PSD4: variants seen among roughly 807,000 people sequenced by gnomAD.
The protein encoded by PSD4 is PH and SEC7 domain-containing protein 4.
In PSD4, 59 loss-of-function variants were observed where a neutral mutation model predicts 112.5. The observed-to-expected ratio is 0.52, with a 90% confidence interval of 0.43 to 0.65. The LOEUF is 0.65. Among genes scored for constraint, PSD4 ranks in the 30% least tolerant of loss-of-function variants. The probability of loss-of-function intolerance (pLI) is 0.00; values close to 1 mark genes in which losing one functional copy is unlikely to be tolerated. For synonymous variants in PSD4, 533 were observed against 540.0 expected (o/e 0.99, Z 0.18); for missense variants, 1,267 against 1,352.6 (o/e 0.94, Z 0.99).
rs371323565 is a variant in PSD4, at chr2:113,201,511, G to A, written c.*96G>A. 37 of 1,482,828 alleles carry A rather than the reference G, an allele frequency of 2.5e-5. No homozygotes were observed. The African/African-American group carries it at 3.7e-4, about 15-fold the overall frequency. 91.9% of individuals were successfully genotyped at this position (1,482,828 alleles called of 1,614,324 possible). A position where few individuals can be genotyped will look rare whatever the true frequency, so the allele number is the denominator to read the frequency against. On this transcript the variant is annotated 3_prime_UTR_variant, in exon 17 of 17. Transcript: ENST00000245796. ...CTTATTTCAATGAGTCCACCATGAC[G>A]GATGAGGCACCTCCTTTCCCTGCTG...
intron 10 of PSD4, 40 bp downstream of exon 10, chr2:113,193,988 C>T (rs763302158): frequency 1.4e-5 from 22 of 1,583,004 alleles, no homozygotes; most frequent in Non-Finnish European, 1.9e-5. Flanking sequence ...TCATGTAGGA[C>T]CTGGAGCCTT....
chr2:113,184,650 T>C (rs1688240800), intron 2 of PSD4, among the ~76,000 whole-genome samples: 1 of 152,144 alleles, frequency 6.6e-6, no homozygotes, highest in African/African-American at 2.4e-5. Flanking sequence ...TGGGATTAAG[T>C]GAGCCACTGC....
rs1688839412 is a variant in PSD4 at position 113,204,649 on chromosome 2, G to T, written c.*3234G>T. ...GGGTCCTGGGCCTGCTGTGACCCAG[G>T]TTGTTACTCCTGATATAACTGCTTC... is the stretch of plus-strand genomic sequence containing the variant. On this transcript the variant is annotated 3_prime_UTR_variant, in exon 17 of 17. Coordinates refer to ENST00000245796, the MANE Select transcript of PSD4 (RefSeq NM_012455.3). 1 of 152,202 alleles carries T rather than the reference G, an allele frequency of 6.6e-6. No homozygotes were observed. The highest frequency in any genetic ancestry group is 2.4e-5 in the African/African-American group (1 of 41,436). The allele number at this position is 152,202 out of a possible 1,614,324, so 9.4% of individuals were successfully genotyped here.
rs1344714141 is a variant in PSD4, at chr2:113,203,226, A to T, written c.*1811A>T. On this transcript the variant is annotated 3_prime_UTR_variant, in exon 17 of 17. Transcript: ENST00000245796. Reference sequence around the variant, plus strand: ...ATGAATTAAACATGTCCCTGACTCCATGAGTTGACAATCTTGCCCACTGGT... The same window carrying T: ...ATGAATTAAACATGTCCCTGACTCCTTGAGTTGACAATCTTGCCCACTGGT... The T allele has an allele frequency of 6.6e-6, 1 of 152,246 alleles. No homozygotes were observed. The highest frequency in any genetic ancestry group is 1.9e-4 in the East Asian group (1 of 5,202). The allele number at this position is 152,246 out of a possible 1,614,324, so 9.4% of individuals were successfully genotyped here.
chr2:113,190,204 G>A (rs925830688), intron 5 of PSD4, among the ~76,000 whole-genome samples: 1 of 152,138 alleles, frequency 6.6e-6, no homozygotes, highest in African/African-American at 2.4e-5. Context: ...GGTGAGAGAT[G>A]AGGATCCAGT....
rs45610831 is a variant in PSD4 at position 113,187,882 on chromosome 2, G to A, written c.1628+1627G>A. Among the ~76,000 whole-genome samples the A allele has an allele frequency of 8.7e-3, 1,327 of 152,262 alleles. 9 individuals are homozygous for A. Among genetic ancestry groups the A allele is most frequent in the Middle Eastern group, 0.034 (10 of 294 alleles). ...TTGAGGCTCATGAACACTACATAAT[G>A]CAGGAGAAGCACAACAGAAGCTAAC... On this transcript the variant is annotated intron_variant, in intron 5 of 16. Transcript: ENST00000245796.
chr2:113,198,628 G>A (rs1688678480), intron 14 of PSD4, 112 bp from the exon 15 acceptor site: 1 of 1,290,282 alleles, frequency 7.8e-7, no homozygotes, highest in Admixed American at 2.7e-5. Flanking sequence ...AACTATGGGA[G>A]GCTGAGTTCT....
intron 10 of PSD4, 45 bp from the exon 11 acceptor site, chr2:113,195,682 C>T: frequency 6.2e-7 from 1 of 1,612,624 alleles, no homozygotes; most frequent in Admixed American, 1.7e-5. Flanking sequence ...CTTTAGGCTC[C>T]ACAGCCCTGA....
intron 11 of PSD4, 129 bp downstream of exon 11, chr2:113,195,899 G>C: frequency 8.3e-6 from 11 of 1,330,684 alleles, no homozygotes; most frequent in Middle Eastern, 1.8e-4. Flanking sequence ...GGCAAAGCCA[G>C]AGGCAGGGCT....
At chr2:113,177,232 C>T (rs981311264) in intron 1 of PSD4, among the ~76,000 whole-genome samples, 5 of 152,156 alleles carry the variant, frequency 3.3e-5, no homozygotes, top group Non-Finnish European at 5.9e-5. Flanking sequence ...GACTGGCCCC[C>T]GTGGGGAAGC....
At chr2:113,197,523 G>C (rs77426588) in intron 12 of PSD4, 41 bp from the exon 13 acceptor site, 3 of 1,610,760 alleles carry the variant, frequency 1.9e-6, no homozygotes, top group Non-Finnish European at 1.7e-6. Flanking sequence ...CTGGATGCTG[G>C]TGCCCCCACC....
intron 1 of PSD4, among the ~76,000 whole-genome samples, chr2:113,181,862 C>G (rs80062373): frequency 1.9e-4 from 29 of 152,320 alleles, no homozygotes; most frequent in Admixed American, 1.9e-3. Flanking sequence ...GCCTTCATGT[C>G]GTGGGTGCCT....
At chr2:113,188,768 G>A (rs530508039) in intron 5 of PSD4, among the ~76,000 whole-genome samples, 2 of 152,004 alleles carry the variant, frequency 1.3e-5, no homozygotes, top group Non-Finnish European at 2.9e-5. Flanking sequence ...TTTTAGTAGA[G>A]ACGGGGTTTC....
intron 16 of PSD4, among the ~76,000 whole-genome samples, 189 bp downstream of exon 16, chr2:113,199,415 G>A (rs1688714155): frequency 6.6e-6 from 1 of 152,240 alleles, no homozygotes; most frequent in Non-Finnish European, 1.5e-5. Flanking sequence ...CGCGTGCACG[G>A]GCGTGCACAA....
At chr2:113,181,527 G>C (rs901195101) in intron 1 of PSD4, among the ~76,000 whole-genome samples, 7 of 152,190 alleles carry the variant, frequency 4.6e-5, no homozygotes, top group Admixed American at 1.3e-4. Flanking sequence ...AGTGCAGGCT[G>C]TGCACACAGC....
intron 14 of PSD4, 83 bp from the exon 15 acceptor site, chr2:113,198,649 CCAGCTGTG>C: frequency 7.0e-7 from 1 of 1,420,164 alleles, no homozygotes; most frequent in Non-Finnish European, 9.3e-7. Context: ...GAGCAGCTGG[CCAGCTGTG>C]CAAGCAGCCA....
chr2:113,192,338 G>T, intron 5 of PSD4, 42 bp from the exon 6 acceptor site: 1 of 1,595,486 alleles, frequency 6.3e-7, no homozygotes, highest in Non-Finnish European at 8.6e-7. Context: ...CAACTGACCT[G>T]CAAGAACACT....
chr2:113,196,352 C>G (rs1688611551), intron 12 of PSD4, 45 bp downstream of exon 12: 1 of 1,582,664 alleles, frequency 6.3e-7, no homozygotes, highest in African/African-American at 1.3e-5. Context: ...CTGGGAGCAG[C>G]CCTGCTCAGG....
intron 1 of PSD4, among the ~76,000 whole-genome samples, chr2:113,175,086 G>C (rs45578731): frequency 0.059 from 8,971 of 152,156 alleles, 771 homozygotes; most frequent in African/African-American, 0.19. Flanking sequence ...CTCTTTGTTG[G>C]GGAAGGGGGA....
Sources: gnomAD v4.1 joint callset for allele counts (sites outside exome capture counted in the v4.1 genomes callset) on GRCh38, gnomAD v4.1.1 for gene constraint, MANE v1.5 for transcripts, NCBI Gene and HGNC (gene_info 2026-07-23, HGNC 2026-07-21) for gene names.